Variants in PABPC4L observed in about 807,000 individuals in gnomAD.
PABPC4L encodes poly(A) binding protein cytoplasmic 4 like, also known as polyadenylate-binding protein 4-like.
For synonymous variants in PABPC4L, 169 were observed against 164.1 expected, an observed-to-expected ratio of 1.03 and a Z score of -0.23; for missense variants, 452 against 451.4, an observed-to-expected ratio of 1.00 and a Z score of -0.01.
chr4:134,094,093 T>C, the PABPC4L span, among the ~76,000 whole-genome samples: 1 of 151,994 alleles, frequency 6.6e-6, no homozygotes, highest in Non-Finnish European at 1.5e-5. Flanking sequence ...AGTTCACTAG[T>C]AGTTTTAATT....
the PABPC4L span, among the ~76,000 whole-genome samples, chr4:133,969,504 G>A: frequency 6.6e-6 from 1 of 152,022 alleles, no homozygotes; most frequent in Non-Finnish European, 1.5e-5. Flanking sequence ...GGAGTCCTTG[G>A]TGCCAGGCTT....
At chr4:134,045,536 G>A in the PABPC4L span, among the ~76,000 whole-genome samples, 1 of 152,144 alleles carries the variant, frequency 6.6e-6, no homozygotes, top group Non-Finnish European at 1.5e-5. Flanking sequence ...GAGCTTCAGG[G>A]CAGACATAGT....
At chr4:134,175,552 G>A in the PABPC4L span, among the ~76,000 whole-genome samples, 13 of 152,018 alleles carry the variant, frequency 8.6e-5, no homozygotes, top group Admixed American at 1.3e-4. Context: ...GAGTTCAAGC[G>A]ATTCTCCTGC....
the PABPC4L span, among the ~76,000 whole-genome samples, chr4:134,164,046 G>A: frequency 2.6e-5 from 4 of 151,516 alleles, no homozygotes; most frequent in East Asian, 3.9e-4. Flanking sequence ...GGCGGATCAC[G>A]AGGTCAGGAG....
chr4:134,111,395 A>T, the PABPC4L span, among the ~76,000 whole-genome samples: 1 of 152,004 alleles, frequency 6.6e-6, no homozygotes, highest in Non-Finnish European at 1.5e-5. Context: ...ATAGACATAG[A>T]TGCAAATATA....
At chr4:134,189,530 G>GTTTCTTTTACCGTGTGTATATATATACAA in the PABPC4L span, among the ~76,000 whole-genome samples, 26 of 151,714 alleles carry the variant, frequency 1.7e-4, 1 homozygote, top group Non-Finnish European at 3.5e-4. Flanking sequence ...TATATATACA[G>GTTTCTTTTACCGTGTGTATATATATACAA]TTTCTTTTAC....
chr4:134,162,268 A>G, the PABPC4L span, among the ~76,000 whole-genome samples: 1 of 152,084 alleles, frequency 6.6e-6, no homozygotes, highest in Non-Finnish European at 1.5e-5. Context: ...TAGTAAAACC[A>G]AACAAAGAAG....
At chr4:134,164,635 G>T in the PABPC4L span, among the ~76,000 whole-genome samples, 2 of 151,988 alleles carry the variant, frequency 1.3e-5, no homozygotes, top group East Asian at 1.9e-4. Context: ...CTATACAAAC[G>T]AATATAAATA....
At chr4:134,033,824 C>T in the PABPC4L span, among the ~76,000 whole-genome samples, 1 of 151,704 alleles carries the variant, frequency 6.6e-6, no homozygotes, top group Non-Finnish European at 1.5e-5. Flanking sequence ...GAAACCATCT[C>T]CATAACATAA....
chr4:134,168,461 T>A, the PABPC4L span, among the ~76,000 whole-genome samples: 4 of 150,310 alleles, frequency 2.7e-5, no homozygotes, highest in Non-Finnish European at 4.5e-5. Context: ...TACAAAAAAA[T>A]TGCAAATGAA....
chr4:134,078,464 A>G, the PABPC4L span, among the ~76,000 whole-genome samples: 5 of 152,176 alleles, frequency 3.3e-5, no homozygotes, highest in Admixed American at 1.3e-4. Context: ...GCTTAGCACT[A>G]AACAAAAAAC....
the PABPC4L span, among the ~76,000 whole-genome samples, chr4:134,125,589 A>T: frequency 6.6e-6 from 1 of 152,280 alleles, no homozygotes; most frequent in East Asian, 1.9e-4. Flanking sequence ...GATCATTATT[A>T]CATGAAACAA....
the PABPC4L span, among the ~76,000 whole-genome samples, chr4:134,029,043 G>T: frequency 6.6e-6 from 1 of 152,020 alleles, no homozygotes; most frequent in Admixed American, 6.6e-5. Flanking sequence ...TGTAGTAATA[G>T]CTTTGTTGGC....
At chr4:133,964,862 T>C in the PABPC4L span, among the ~76,000 whole-genome samples, 20 of 152,196 alleles carry the variant, frequency 1.3e-4, no homozygotes, top group Non-Finnish European at 2.4e-4. Flanking sequence ...GCCAACATTA[T>C]ACTGAATGGG....
the PABPC4L span, among the ~76,000 whole-genome samples, chr4:134,131,104 T>C: frequency 6.6e-6 from 1 of 152,082 alleles, no homozygotes. Flanking sequence ...AGGGAAAAGT[T>C]GAAAGCATCC....
the PABPC4L span, among the ~76,000 whole-genome samples, chr4:134,063,726 A>T: frequency 6.6e-6 from 1 of 152,092 alleles, no homozygotes; most frequent in African/African-American, 2.4e-5. Flanking sequence ...TATAAAATGA[A>T]TATGAAATCT....
At chr4:134,154,712 C>T in the PABPC4L span, among the ~76,000 whole-genome samples, 2 of 151,852 alleles carry the variant, frequency 1.3e-5, no homozygotes. Flanking sequence ...AGAAACCTTG[C>T]TCATTCTGAA....
At chr4:134,201,382 A>C in intron 1 of PABPC4L, 137 bp from the exon 2 acceptor site, 1 of 1,021,216 alleles carries the variant, frequency 9.8e-7, no homozygotes, top group Non-Finnish European at 1.3e-6. Context: ...CTGAATAAAA[A>C]TAGGCCTCGC....
At chr4:134,118,888 G>A in the PABPC4L span, among the ~76,000 whole-genome samples, 1 of 151,658 alleles carries the variant, frequency 6.6e-6, no homozygotes, top group East Asian at 1.9e-4. Context: ...GAGGCAAAAT[G>A]GTTAAAGGAA....
Sources: gnomAD v4.1 joint callset for allele counts (sites outside exome capture counted in the v4.1 genomes callset) on GRCh38, gnomAD v4.1.1 for gene constraint, MANE v1.5 for transcripts, NCBI Gene and HGNC (gene_info 2026-07-23, HGNC 2026-07-21) for gene names.